Variants in FGF14 observed in about 807,000 individuals in gnomAD.
The protein encoded by FGF14 is fibroblast growth factor homologous factor 4.
In FGF14, 5 loss-of-function variants were observed where a neutral mutation model predicts 25.5. The ratio of observed to expected loss-of-function variants is 0.20; its 90% confidence interval spans 0.10 to 0.41. The LOEUF is 0.41. Ranked by LOEUF, FGF14 falls within the 10% of genes least tolerant of loss-of-function variation. The pLI, the probability that FGF14 is intolerant of heterozygous loss-of-function variation, is 1.00. For missense variants in FGF14, 222 were observed against 320.1 expected (o/e 0.69, Z 2.34); for synonymous variants, 138 against 118.3 (o/e 1.17, Z -1.08).
chr13:101,736,953 T>A (rs1445055545), intron 3 of FGF14, among the ~76,000 whole-genome samples: 3 of 150,438 alleles, frequency 2.0e-5, no homozygotes, highest in Non-Finnish European at 4.4e-5. Context: ...ACCACAAGAT[T>A]TTTTAAGATT....
intron 1 of FGF14, among the ~76,000 whole-genome samples, chr13:102,200,348 T>C (rs962893445): frequency 6.6e-6 from 1 of 152,206 alleles, no homozygotes; most frequent in Admixed American, 6.5e-5. Context: ...GCTAAACTGA[T>C]TTATTATGTA....
At chr13:101,985,041 G>A (rs1169778154) in intron 1 of FGF14, among the ~76,000 whole-genome samples, 9 of 148,906 alleles carry the variant, frequency 6.0e-5, no homozygotes, top group South Asian at 2.1e-4. Context: ...TGTCATGAGC[G>A]TATAAAGACC....
chr13:101,996,713 A>T (rs1458288462), intron 1 of FGF14, among the ~76,000 whole-genome samples: 1 of 152,146 alleles, frequency 6.6e-6, no homozygotes, highest in Middle Eastern at 3.2e-3. Context: ...GGTGGTCAGT[A>T]AATAAAAGGC....
At chr13:102,132,741 G>A (rs1245647747) in intron 1 of FGF14, among the ~76,000 whole-genome samples, 3 of 151,906 alleles carry the variant, frequency 2.0e-5, no homozygotes, top group East Asian at 1.9e-4. Flanking sequence ...GGCTGGCCTC[G>A]AACTCCTGAC....
At position 102,104,027 on chromosome 13, in the gene FGF14, C is replaced by A. The variant is rs74978933; in HGVS notation, c.209-228731G>T. ...TGCAATGCCCCTTCCCTCACTTACG[C>A]ACTCCCTAAAAAAGGATATCGAGCA... On this transcript the variant is annotated intron_variant, in intron 1 of 4. Transcript: ENST00000376131. Among the ~76,000 whole-genome samples the A allele has an allele frequency of 6.2e-3, 941 of 152,270 alleles. 14 individuals carry two copies. The highest frequency in any genetic ancestry group is 0.021 in the African/African-American group (889 of 41,552).
At chr13:101,748,898 A>C (rs1382417088) in intron 3 of FGF14, among the ~76,000 whole-genome samples, 1 of 152,022 alleles carries the variant, frequency 6.6e-6, no homozygotes, top group African/African-American at 2.4e-5. Flanking sequence ...AACATCTGAG[A>C]GGTGGAAGCA....
chr13:101,755,740 C>T (rs1007046226), intron 3 of FGF14, among the ~76,000 whole-genome samples: 10 of 152,282 alleles, frequency 6.6e-5, no homozygotes, highest in African/African-American at 2.4e-4. Flanking sequence ...GTCTGAGTGG[C>T]TTCCTCATGA....
At chr13:102,269,416 T>G (rs2053142948) in intron 1 of FGF14, among the ~76,000 whole-genome samples, 1 of 152,234 alleles carries the variant, frequency 6.6e-6, no homozygotes, top group African/African-American at 2.4e-5. Flanking sequence ...GATAACTGTT[T>G]GTCATCTCTT....
chr13:102,016,564 T>C (rs1455760522), intron 1 of FGF14, among the ~76,000 whole-genome samples: 1 of 152,182 alleles, frequency 6.6e-6, no homozygotes, highest in Non-Finnish European at 1.5e-5. Flanking sequence ...TATTTTTCTT[T>C]TATTTTCCAA....
intron 1 of FGF14, among the ~76,000 whole-genome samples, chr13:101,975,171 A>T (rs2139570805): frequency 6.6e-6 from 1 of 152,202 alleles, no homozygotes; most frequent in East Asian, 1.9e-4. Flanking sequence ...ACAGAAGCCC[A>T]AACTCCAGCC....
chr13:102,236,212 C>A (rs2051321073), intron 1 of FGF14, among the ~76,000 whole-genome samples: 1 of 152,158 alleles, frequency 6.6e-6, no homozygotes, highest in South Asian at 2.1e-4. Flanking sequence ...AAACTTCTTT[C>A]ACTTTACTTT....
intron 1 of FGF14, among the ~76,000 whole-genome samples, chr13:101,999,452 T>C (rs1940004551): frequency 6.6e-6 from 1 of 152,114 alleles, no homozygotes; most frequent in South Asian, 2.1e-4. Context: ...CAGCAAACTA[T>C]TTTGCAAAGT....
In FGF14 at chr13:101,976,149, T is replaced by C. The variant is rs1447216130; in HGVS notation, c.209-100853A>G. ...TTAGTTCATTAATGTGTTGACCTGA[T>C]TGTTCAGTGCTCAAACAGTGAAAGG... On this transcript the variant is annotated intron_variant, in intron 1 of 4. Coordinates refer to the FGF14 transcript ENST00000376131. Among the ~76,000 whole-genome samples, 3 of 65,486 alleles carry C rather than the reference T, an allele frequency of 4.6e-5. No homozygotes were observed. In the East Asian group the frequency reaches 0.012, roughly 262 times the overall value. 43.0% of individuals were successfully genotyped at this position (65,486 alleles called of 152,430 possible).
chr13:101,785,787 TG>T (rs1441069601), intron 3 of FGF14, among the ~76,000 whole-genome samples: 1 of 152,158 alleles, frequency 6.6e-6, no homozygotes, highest in East Asian at 1.9e-4. Flanking sequence ...GAGAATCAAG[TG>T]TAAGGTGTAT....
chr13:102,157,642 G>C (rs1292712248), intron 1 of FGF14, among the ~76,000 whole-genome samples: 1 of 152,138 alleles, frequency 6.6e-6, no homozygotes, highest in African/African-American at 2.4e-5. Flanking sequence ...GGCAACAAAA[G>C]CCAAAATTGA....
intron 1 of FGF14, among the ~76,000 whole-genome samples, chr13:101,942,331 A>C (rs970556046): frequency 6.6e-6 from 1 of 152,216 alleles, no homozygotes; most frequent in East Asian, 1.9e-4. Flanking sequence ...ACAGAGCAGA[A>C]GCCTGTAACA....
chr13:102,265,501 T>C (rs1045725697), intron 1 of FGF14, among the ~76,000 whole-genome samples: 10 of 152,216 alleles, frequency 6.6e-5, no homozygotes, highest in Admixed American at 2.6e-4. Flanking sequence ...TTGGGTTTTC[T>C]TCCATATGGA....
chr13:102,061,246 G>C (rs1400705019), intron 1 of FGF14, among the ~76,000 whole-genome samples: 1 of 152,242 alleles, frequency 6.6e-6, no homozygotes, highest in African/African-American at 2.4e-5. Flanking sequence ...GTCTAACTGA[G>C]CTGATTAAGA....
intron 3 of FGF14, among the ~76,000 whole-genome samples, chr13:101,790,516 A>G (rs1043057175): frequency 6.6e-6 from 1 of 151,938 alleles, no homozygotes; most frequent in Non-Finnish European, 1.5e-5. Flanking sequence ...AAGGCAAAAA[A>G]CTACCCATTG....
Sources: gnomAD v4.1 joint callset for allele counts (sites outside exome capture counted in the v4.1 genomes callset) on GRCh38, gnomAD v4.1.1 for gene constraint, MANE v1.5 for transcripts, NCBI Gene and HGNC (gene_info 2026-07-23, HGNC 2026-07-21) for gene names.